Variants in TNS3 observed in about 807,000 individuals in gnomAD.
TNS3 encodes the protein tensin-3.
A neutral mutation model predicts 140.9 loss-of-function variants in TNS3; 45 were observed. The observed-to-expected ratio is 0.32, with a 90% CI of 0.25 to 0.41. The LOEUF is 0.41. Among genes scored for constraint, TNS3 ranks in the 10% least tolerant of loss-of-function variants. TNS3 has a pLI of 1.00. For synonymous variants in TNS3, 815 were observed against 788.4 expected, an observed-to-expected ratio of 1.03 and a Z score of -0.56; for missense variants, 1,716 against 1,906.7, an observed-to-expected ratio of 0.90 and a Z score of 1.86.
At chr7:47,483,954 C>T (rs565791422) in intron 3 of TNS3, among the ~76,000 whole-genome samples, 15 of 152,344 alleles carry the variant, frequency 9.8e-5, no homozygotes, top group African/African-American at 3.4e-4. Context: ...ACAGAGCTTA[C>T]GGCTCACGTA....
At chr7:47,378,641 G>A (rs138892841) in intron 16 of TNS3, among the ~76,000 whole-genome samples, 3 of 152,280 alleles carry the variant, frequency 2.0e-5, no homozygotes, top group Non-Finnish European at 4.4e-5. Context: ...CGTACCTATT[G>A]TCTCATTAGG....
chr7:47,507,737 G>A (rs1798472388), intron 2 of TNS3, among the ~76,000 whole-genome samples: 1 of 152,160 alleles, frequency 6.6e-6, no homozygotes, highest in Non-Finnish European at 1.5e-5. Flanking sequence ...TGCAGGACAG[G>A]GAGAGAGAAA....
rs1477101422 is a variant in TNS3, at chr7:47,304,831, CCT to C, written c.2821_2822del (p.Ser941LeufsTer33). 1.5e-6 allele frequency: 2 copies of C among 1,354,568 alleles called. No individual in the cohort carries two copies. The highest frequency in any genetic ancestry group is 1.9e-6 in the Non-Finnish European group (2 of 1,043,334). The allele number at this position is 1,354,568 out of a possible 1,614,324, so 83.9% of individuals were successfully genotyped here. ...CCAAGTTTAAAGATCCATCTTCTTA[CCT>C]CTCTCTCCTCTGCCCAGGGCCGTTG... ...SSNGPGQRRE[S>X]SSSAERQWVE... On this transcript the variant is annotated frameshift_variant and splice_region_variant, in exon 21 of 31. Transcript: ENST00000311160. LOFTEE classifies it high-confidence loss of function.
chr7:47,548,832 G>A (rs1799988600), intron 1 of TNS3, among the ~76,000 whole-genome samples: 1 of 152,066 alleles, frequency 6.6e-6, no homozygotes, highest in Non-Finnish European at 1.5e-5. Flanking sequence ...CATCCCCGAA[G>A]CACCGCTCAC....
At chr7:47,441,919 A>T in intron 5 of TNS3, 84 bp downstream of exon 5, 1 of 1,004,404 alleles carries the variant, frequency 1.0e-6, no homozygotes, top group Non-Finnish European at 1.4e-6. Context: ...TACAGAAGAA[A>T]ATGATGCCAT....
At chr7:47,363,532 T>C (rs1471249085) in intron 17 of TNS3, among the ~76,000 whole-genome samples, 1 of 152,228 alleles carries the variant, frequency 6.6e-6, no homozygotes, top group Non-Finnish European at 1.5e-5. Flanking sequence ...GAGGACATAA[T>C]CTGCAAATAG....
chr7:47,551,797 C>A (rs1365959107), intron 1 of TNS3, among the ~76,000 whole-genome samples: 1 of 152,150 alleles, frequency 6.6e-6, no homozygotes, highest in Non-Finnish European at 1.5e-5. Flanking sequence ...TGTGCAAATT[C>A]ATGGAATGGA....
At chr7:47,568,701 C>A (rs933744873) in intron 1 of TNS3, among the ~76,000 whole-genome samples, 3 of 152,242 alleles carry the variant, frequency 2.0e-5, no homozygotes, top group Admixed American at 1.3e-4. Context: ...TGTGCCATAT[C>A]GCATTCGTGC....
intron 3 of TNS3, among the ~76,000 whole-genome samples, chr7:47,501,454 G>GTGGCC (rs1041036200): frequency 2.2e-4 from 34 of 152,302 alleles, no homozygotes; most frequent in African/African-American, 7.9e-4. Context: ...TGCAGCCTCC[G>GTGGCC]TGGCCTGTGT....
chr7:47,482,578 C>T (rs2941541), intron 3 of TNS3, among the ~76,000 whole-genome samples: 83,851 of 152,044 alleles, frequency 0.55, 25,748 homozygotes, highest in Non-Finnish European at 0.66. Context: ...GTTAACAGAG[C>T]GGTGTGACTT....
At position 47,304,944 on chromosome 7, in the gene TNS3, C is replaced by T. The variant is rs1223803012; in HGVS notation, c.2710G>A (p.Gly904Arg). 9.8e-6 allele frequency: 14 copies of T among 1,424,206 alleles called. No individual in the cohort carries two copies. Among genetic ancestry groups the T allele is most frequent in the African/African-American group, 4.4e-5 (3 of 68,410 alleles). The allele number at this position is 1,424,206 out of a possible 1,614,324, so 88.2% of individuals were successfully genotyped here. ...HAVGMSESPI[G>R]PKSTMLRADA... ...GCCCGGAGCATCGTGGATTTGGGTC[C>T]GATGGGGCTCTCTGACATCCCCACA... is the stretch of plus-strand genomic sequence containing the variant. The change falls in exon 21 of 31, where the codon GGA becomes AGA. Residue 904 changes from glycine to arginine, a missense_variant. Around this residue, in one of 3 missense-constraint regions of TNS3, gnomAD observed 1,163 missense variants for 1,182.1 expected, o/e 0.98. Transcript: ENST00000311160.
intron 3 of TNS3, among the ~76,000 whole-genome samples, chr7:47,498,687 T>C (rs1416504679): frequency 6.6e-6 from 1 of 152,240 alleles, no homozygotes; most frequent in East Asian, 1.9e-4. Context: ...CTTACACTTA[T>C]GCCGCACTAA....
intron 1 of TNS3, among the ~76,000 whole-genome samples, chr7:47,569,996 A>C (rs1800517957): frequency 6.6e-6 from 1 of 151,894 alleles, no homozygotes; most frequent in South Asian, 2.1e-4. Context: ...TAAAAATATA[A>C]AAAATTAGCC....
intron 1 of TNS3, among the ~76,000 whole-genome samples, chr7:47,558,745 G>A (rs2151994899): frequency 6.6e-6 from 1 of 152,234 alleles, no homozygotes; most frequent in African/African-American, 2.4e-5. Context: ...GCCTCCCCAG[G>A]GTCCCACTCT....
chr7:47,515,281 T>C (rs17658891), intron 2 of TNS3, among the ~76,000 whole-genome samples: 41,865 of 151,976 alleles, frequency 0.28, 5,833 homozygotes, highest in East Asian at 0.4. Context: ...GTAGAAATAC[T>C]GGCCTGCATC....
intron 1 of TNS3, among the ~76,000 whole-genome samples, chr7:47,576,519 A>C (rs1342366009): frequency 6.6e-6 from 1 of 152,194 alleles, no homozygotes; most frequent in Non-Finnish European, 1.5e-5. Flanking sequence ...CCAAATGGCC[A>C]GTGATGAAAG....
intron 3 of TNS3, among the ~76,000 whole-genome samples, chr7:47,496,473 G>A (rs150973755): frequency 1.2e-4 from 19 of 152,258 alleles, no homozygotes; most frequent in African/African-American, 3.6e-4. Flanking sequence ...GGAAGCAGGC[G>A]GGGGGAGGTG....
chr7:47,535,940 T>G (rs1799582188), intron 1 of TNS3, among the ~76,000 whole-genome samples: 1 of 152,356 alleles, frequency 6.6e-6, no homozygotes, highest in South Asian at 2.1e-4. Flanking sequence ...AGGATTTAGG[T>G]AGGCATTCAG....
intron 20 of TNS3, among the ~76,000 whole-genome samples, chr7:47,318,074 T>G (rs749183846): frequency 4.6e-5 from 7 of 152,156 alleles, no homozygotes; most frequent in Non-Finnish European, 7.3e-5. Flanking sequence ...TATAACTCTT[T>G]CCCCATTGAA....
Sources: gnomAD v4.1 joint callset for allele counts (sites outside exome capture counted in the v4.1 genomes callset) on GRCh38, gnomAD v4.1.1 for gene constraint, gnomAD v4.1.1 regional missense constraint, MANE v1.5 for transcripts, NCBI Gene and HGNC (gene_info 2026-07-23, HGNC 2026-07-21) for gene names.